The following CHPT1 variants were observed in gnomAD, a reference collection of about 807,000 sequenced individuals.
The protein encoded by CHPT1 is choline phosphotransferase 1.
In CHPT1, 36 loss-of-function variants were observed where a neutral mutation model predicts 47.6. The ratio of observed to expected loss-of-function variants is 0.76; its 90% CI spans 0.58 to 1.00. The LOEUF (loss-of-function observed/expected upper bound fraction) is 1.00, where lower values mean the gene tolerates loss of function less well. Ranked by LOEUF, CHPT1 falls within the 50% of genes least tolerant of loss-of-function variation. CHPT1 has a pLI of 0.00. For missense variants in CHPT1, 458 were observed against 498.1 expected, an observed-to-expected ratio of 0.92 and a Z score of 0.77; for synonymous variants, 194 against 186.3, an observed-to-expected ratio of 1.04 and a Z score of -0.33.
In CHPT1 at chr12:101,712,310, C is replaced by T. The variant is rs1425487366; in HGVS notation, c.274-1780C>T. On this transcript the variant is annotated intron_variant, in intron 1 of 8. Coordinates refer to ENST00000229266, the MANE Select transcript of CHPT1 (RefSeq NM_020244.3). ...TGCTAGGATTATAGGTGTGAGCCGC[C>T]GAACCTGGACTGTGATTTTCTGCTT... Among the ~76,000 whole-genome samples, 5 of 148,622 alleles carry T rather than the reference C, an allele frequency of 3.4e-5. No individual in the cohort carries two copies. The East Asian group carries it at 6.0e-4, about 18-fold the overall frequency.
rs1951828518 is a variant in CHPT1, at chr12:101,720,179, A to T, written c.705A>T (p.Gly235=). Residue 235 remains glycine, a synonymous_variant, in exon 5 of 9, where the codon GGA becomes GGT. Coordinates refer to ENST00000229266, the MANE Select transcript of CHPT1 (RefSeq NM_020244.3). ...TTCCAGTTCTTGGATTTCTAGGTGG[A>T]GTAATATTTTCCTGTTCAAATTATT... The part of the protein sequence containing the change: ...KILPVLGFLG[G]VIFSCSNYFH... The T allele has an allele frequency of 1.2e-6, 2 of 1,602,318 alleles. No individual in the cohort carries two copies. Among genetic ancestry groups the T allele is most frequent in the African/African-American group, 2.7e-5 (2 of 74,624 alleles).
intron 5 of CHPT1, among the ~76,000 whole-genome samples, chr12:101,722,878 G>A (rs6539010): frequency 0.62 from 93,972 of 151,976 alleles, 30,053 homozygotes; most frequent in East Asian, 0.9. Flanking sequence ...GACTGCCTTC[G>A]ATGTAGTAAA....
intron 1 of CHPT1, 32 bp downstream of exon 1, chr12:101,698,166 C>T (rs1951492758): frequency 4.3e-6 from 6 of 1,406,610 alleles, no homozygotes; most frequent in Non-Finnish European, 4.6e-6. Context: ...AGCCGGGCCC[C>T]AGATGCGCTG....
chr12:101,719,137 G>A (rs1331462927), intron 4 of CHPT1, among the ~76,000 whole-genome samples: 7 of 115,768 alleles, frequency 6.0e-5, no homozygotes, highest in African/African-American at 1.1e-4. Context: ...AGCCCTGGGC[G>A]ACAAGAGACT....
intron 8 of CHPT1, 172 bp from the exon 9 acceptor site, chr12:101,728,729 C>A: frequency 1.5e-6 from 1 of 676,784 alleles, no homozygotes; most frequent in Non-Finnish European, 2.4e-6. Context: ...AAGCTTAATA[C>A]ATATTCTTTA....
intron 5 of CHPT1, among the ~76,000 whole-genome samples, chr12:101,722,562 A>G (rs374319149): frequency 1.4e-4 from 21 of 152,126 alleles, no homozygotes; most frequent in South Asian, 1.0e-3. Context: ...GTAGAAAGAA[A>G]CTAGGATAAG....
rs1242347155 is a variant in CHPT1 at position 101,697,798 on chromosome 12, C to T, written c.-64C>T. 2.3e-5 allele frequency: 14 copies of T among 600,122 alleles called. No homozygotes were observed. Among genetic ancestry groups the T allele is most frequent in the African/African-American group, 4.0e-5 (2 of 49,678 alleles). 37.2% of individuals were successfully genotyped at this position (600,122 alleles called of 1,614,324 possible). On this transcript the variant is annotated 5_prime_UTR_variant, in exon 1 of 9. Coordinates refer to ENST00000229266, the MANE Select transcript of CHPT1 (RefSeq NM_020244.3). ...CGGCCGCCAGCCTCTCCCTCCACCT[C>T]TCCCTGCCCCCAGCGCCAGGCGCGG...
intron 7 of CHPT1, among the ~76,000 whole-genome samples, chr12:101,725,145 TACATCTAATG>T (rs1225208101): frequency 6.6e-6 from 1 of 152,122 alleles, no homozygotes; most frequent in Non-Finnish European, 1.5e-5. Flanking sequence ...ATTACAGGAG[TACATCTAATG>T]GTCCCTTACT....
intron 5 of CHPT1, among the ~76,000 whole-genome samples, chr12:101,720,854 G>A (rs1183007982): frequency 6.6e-6 from 1 of 152,112 alleles, no homozygotes. Flanking sequence ...CAAGAGTTGG[G>A]ATTCCTGCAA....
At chr12:101,716,070 G>A (rs1318493645) in intron 3 of CHPT1, among the ~76,000 whole-genome samples, 1 of 152,180 alleles carries the variant, frequency 6.6e-6, no homozygotes, top group Non-Finnish European at 1.5e-5. Context: ...CAAACGTGAA[G>A]AGAGGAGAAA....
intron 1 of CHPT1, among the ~76,000 whole-genome samples, chr12:101,703,154 C>G (rs576885800): frequency 1.3e-5 from 2 of 152,132 alleles, no homozygotes; most frequent in Non-Finnish European, 2.9e-5. Context: ...GGGTAGAAGG[C>G]TACAACCAGA....
chr12:101,714,417 A>C, intron 2 of CHPT1, 87 bp from the exon 3 acceptor site: 3 of 1,224,346 alleles, frequency 2.5e-6, no homozygotes, highest in Non-Finnish European at 3.4e-6. Context: ...TTATTTCCTT[A>C]GAGCTCTGTA....
intron 1 of CHPT1, among the ~76,000 whole-genome samples, chr12:101,699,170 C>G (rs1951513096): frequency 6.6e-6 from 1 of 152,022 alleles, no homozygotes; most frequent in Admixed American, 6.5e-5. Flanking sequence ...TCACTGCAAC[C>G]TCCGCCTTCA....
chr12:101,703,424 T>C (rs1951582522), intron 1 of CHPT1, among the ~76,000 whole-genome samples: 2 of 152,212 alleles, frequency 1.3e-5, no homozygotes, highest in African/African-American at 4.8e-5. Context: ...GAAAACCCCA[T>C]TGGCCCTGAA....
rs1178566205 is a variant in CHPT1 at position 101,709,447 on chromosome 12, A to G, written c.274-4643A>G. On this transcript the variant is annotated intron_variant, in intron 1 of 8. Coordinates refer to ENST00000229266, the MANE Select transcript of CHPT1 (RefSeq NM_020244.3). ...AATTGTACCATTTTTGGAAAGGGAT[A>G]CCTGGAAGGAAGTTGTTCTGCTGTG... 1.4e-5 allele frequency among the ~76,000 whole-genome samples: 2 copies of G among 147,430 alleles called. 1 individual carries two copies.
At chr12:101,709,901 C>T (rs755139717) in intron 1 of CHPT1, among the ~76,000 whole-genome samples, 4 of 148,668 alleles carry the variant, frequency 2.7e-5, no homozygotes, top group Admixed American at 6.8e-5. Context: ...TCGGAAGACC[C>T]GATCTAGTTC....
At chr12:101,704,552 C>A (rs1454131349) in intron 1 of CHPT1, among the ~76,000 whole-genome samples, 1 of 151,084 alleles carries the variant, frequency 6.6e-6, no homozygotes, top group Non-Finnish European at 1.5e-5. Flanking sequence ...CAGGTGTGCA[C>A]CACCATGCCT....
intron 4 of CHPT1, among the ~76,000 whole-genome samples, chr12:101,718,179 T>C (rs1951791999): frequency 6.6e-6 from 1 of 152,226 alleles, no homozygotes; most frequent in African/African-American, 2.4e-5. Context: ...AACTATTTTG[T>C]ATGATACTAA....
intron 4 of CHPT1, chr12:101,719,396 G>A: frequency 2.3e-6 from 1 of 442,896 alleles, no homozygotes; most frequent in South Asian, 1.7e-5. Flanking sequence ...ACAAATTTTG[G>A]TACATTATTT....
Sources: allele counts gnomAD v4.1 joint callset (sites outside exome capture counted in the v4.1 genomes callset), GRCh38; gene constraint gnomAD v4.1.1; transcripts MANE v1.5; gene names NCBI Gene and HGNC (gene_info 2026-07-23, HGNC 2026-07-21).